Variants in TYW1B observed in about 807,000 individuals in gnomAD.
The protein encoded by TYW1B is S-adenosyl-L-methionine-dependent tRNA 4-demethylwyosine synthase TYW1B.
TYW1B carries 73 observed loss-of-function variants against 86.9 expected under a neutral mutation model. That is an observed-to-expected ratio of 0.84 (90% confidence interval 0.70 to 1.02). The LOEUF (loss-of-function observed/expected upper bound fraction) is 1.02. TYW1B is among the 50% of genes least tolerant of loss of function. The pLI is 0.00. For missense variants in TYW1B, 637 were observed against 827.4 expected, an observed-to-expected ratio of 0.77 and a Z score of 2.82; for synonymous variants, 248 against 292.8, an observed-to-expected ratio of 0.85 and a Z score of 1.56.
intron 7 of TYW1B, among the ~76,000 whole-genome samples, chr7:72,773,181 A>C (rs1554469957): frequency 6.6e-6 from 1 of 152,220 alleles, no homozygotes; most frequent in East Asian, 1.9e-4. Flanking sequence ...TAGGTAAAGA[A>C]AAAAACTGTA....
intron 8 of TYW1B, among the ~76,000 whole-genome samples, chr7:72,733,517 C>T (rs1436692349): frequency 3.9e-5 from 6 of 152,004 alleles, no homozygotes; most frequent in Admixed American, 2.0e-4. Context: ...AAAAATTAGC[C>T]GGGCATGGTG....
rs1554428249 is a variant in TYW1B at position 72,575,353 on chromosome 7, C to T, written c.*145G>A. ...CCCTCTGAGTGTGGACGCTGTCCCC[C>T]GTGTCTCCATGTTTACTGCCTTATC... On this transcript the variant is annotated 3_prime_UTR_variant, in exon 14 of 14. Coordinates refer to ENST00000620995, the MANE Select transcript of TYW1B (RefSeq NM_001145440.3). The T allele has an allele frequency of 2.1e-6, 3 of 1,446,978 alleles. No homozygotes were observed. The highest frequency in any genetic ancestry group is 1.4e-5 in the African/African-American group (1 of 69,610). 89.6% of individuals were successfully genotyped at this position (1,446,978 alleles called of 1,614,324 possible).
At chr7:72,743,925 T>C (rs1787349864) in intron 8 of TYW1B, among the ~76,000 whole-genome samples, 1 of 151,818 alleles carries the variant, frequency 6.6e-6, no homozygotes, top group African/African-American at 2.4e-5. Context: ...AGAGGCAGAA[T>C]TGTGCAATTT....
rs573201644 is a variant in TYW1B, at chr7:72,828,113, T to C, written c.-38A>G. On this transcript the variant is annotated 5_prime_UTR_variant, in exon 1 of 14. Transcript: ENST00000620995. ...CGACAGGAGACTAGGATCTCGGACC[T>C]GGAGAGCCCAAAGGTTCGCACTGGT... The C allele has an allele frequency of 1.7e-4, 273 of 1,613,120 alleles. No individual in the cohort carries two copies. Among genetic ancestry groups the C allele is most frequent in the Non-Finnish European group, 2.2e-4 (258 of 1,179,614 alleles).
chr7:72,603,092 T>TA (rs1554434129), intron 13 of TYW1B, among the ~76,000 whole-genome samples: 2 of 147,000 alleles, frequency 1.4e-5, no homozygotes, highest in Non-Finnish European at 3.0e-5. Flanking sequence ...GACAGACAGA[T>TA]GATGGATGGA....
rs1554237384 is a variant in TYW1B, at chr7:72,672,473, A to AACACACACACACAT, written c.1506+22213_1506+22214insATGTGTGTGTGTGT. ...GAATTTATTTGGGCATACACACACA[A>AACACACACACACAT]ACACACACACACACACACACACACA... On this transcript the variant is annotated intron_variant, in intron 11 of 13. Coordinates refer to ENST00000620995, the MANE Select transcript of TYW1B (RefSeq NM_001145440.3). Among the ~76,000 whole-genome samples, 226 of 140,884 alleles carry AACACACACACACAT rather than the reference A, an allele frequency of 1.6e-3. 1 individual carries two copies. The Middle Eastern group carries it at 0.017, about 11-fold the overall frequency. The allele number at this position is 140,884 out of a possible 152,430, so 92.4% of individuals were successfully genotyped here.
intron 12 of TYW1B, among the ~76,000 whole-genome samples, chr7:72,624,800 G>A (rs1487013856): frequency 6.6e-6 from 1 of 152,202 alleles, no homozygotes; most frequent in African/African-American, 2.4e-5. Flanking sequence ...GCTCACGCCT[G>A]TAATCCCAAC....
chr7:72,655,530 G>A (rs191338444), intron 11 of TYW1B, among the ~76,000 whole-genome samples: 1 of 152,214 alleles, frequency 6.6e-6, no homozygotes, highest in East Asian at 1.9e-4. Context: ...GAAGGCTGTA[G>A]CAGCACAACG....
At chr7:72,644,697 C>T (rs1388966478) in intron 11 of TYW1B, among the ~76,000 whole-genome samples, 2 of 151,752 alleles carry the variant, frequency 1.3e-5, no homozygotes, top group South Asian at 4.1e-4. Flanking sequence ...CAAATGGATA[C>T]CCATTGCAGT....
At chr7:72,795,195 A>G (rs1290941250) in intron 6 of TYW1B, among the ~76,000 whole-genome samples, 1 of 152,032 alleles carries the variant, frequency 6.6e-6, no homozygotes, top group Non-Finnish European at 1.5e-5. Context: ...AGCAGCTAAC[A>G]AATAGGCTGG....
At chr7:72,621,138 C>T (rs868985535) in intron 12 of TYW1B, among the ~76,000 whole-genome samples, 4 of 152,100 alleles carry the variant, frequency 2.6e-5, no homozygotes, top group Admixed American at 6.6e-5. Context: ...AGGACAATGT[C>T]CATCTGTCTG....
chr7:72,585,836 A>G (rs1167908974), intron 13 of TYW1B, among the ~76,000 whole-genome samples: 1 of 152,180 alleles, frequency 6.6e-6, no homozygotes, highest in Non-Finnish European at 1.5e-5. Context: ...CTTTATCAGC[A>G]GCATGAGAAA....
At chr7:72,613,459 G>A (rs1158154488) in intron 13 of TYW1B, among the ~76,000 whole-genome samples, 2 of 134,616 alleles carry the variant, frequency 1.5e-5, no homozygotes, top group Non-Finnish European at 3.0e-5. Context: ...CCAGGCTGGA[G>A]TGCAGTCGTC....
intron 13 of TYW1B, among the ~76,000 whole-genome samples, chr7:72,597,104 C>A (rs1422935113): frequency 1.3e-5 from 2 of 151,694 alleles, no homozygotes; most frequent in Admixed American, 6.6e-5. Context: ...TCAAAAAATA[C>A]TCCAGATAAA....
intron 7 of TYW1B, among the ~76,000 whole-genome samples, chr7:72,745,853 T>G (rs1249245444): frequency 4.0e-4 from 3 of 7,530 alleles, no homozygotes; most frequent in East Asian, 0.062. Context: ...TGTATAGGGG[T>G]GTGTGTGTGT....
At chr7:72,716,725 GCCT>G (rs1786793399) in intron 9 of TYW1B, among the ~76,000 whole-genome samples, 1 of 151,678 alleles carries the variant, frequency 6.6e-6, no homozygotes, top group African/African-American at 2.4e-5. Flanking sequence ...TGCAACCTCC[GCCT>G]CCCGGGTTCA....
intron 9 of TYW1B, among the ~76,000 whole-genome samples, chr7:72,725,195 T>G (rs1319423098): frequency 6.6e-6 from 1 of 152,160 alleles, no homozygotes; most frequent in Non-Finnish European, 1.5e-5. Context: ...ATATTTCCAT[T>G]TAAAGTGCAT....
chr7:72,577,838 CTCTG>C (rs1200438382), intron 13 of TYW1B, among the ~76,000 whole-genome samples: 3 of 152,206 alleles, frequency 2.0e-5, no homozygotes, highest in African/African-American at 7.2e-5. Flanking sequence ...AAGCTGTTCC[CTCTG>C]TCTAACTCAC....
At chr7:72,794,498 G>A (rs1458334703) in intron 6 of TYW1B, among the ~76,000 whole-genome samples, 1 of 151,926 alleles carries the variant, frequency 6.6e-6, no homozygotes, top group African/African-American at 2.4e-5. Context: ...AGAGGTTGCA[G>A]TGAGCTGAGA....
Sources: allele counts gnomAD v4.1 joint callset (sites outside exome capture counted in the v4.1 genomes callset), GRCh38; gene constraint gnomAD v4.1.1; transcripts MANE v1.5; gene names NCBI Gene and HGNC (gene_info 2026-07-23, HGNC 2026-07-21).